PTPN13: variants seen among roughly 807,000 people sequenced by gnomAD.
PTPN13 encodes tyrosine-protein phosphatase non-receptor type 13.
PTPN13 carries 191 observed loss-of-function variants against 284.0 expected under a neutral mutation model. The ratio of observed to expected loss-of-function variants is 0.67; its 90% CI spans 0.60 to 0.76. The LOEUF (loss-of-function observed/expected upper bound fraction) is 0.76, where lower values mean the gene tolerates loss of function less well. Ranked by LOEUF, PTPN13 falls within the 30% of genes least tolerant of loss-of-function variation. The pLI is 0.00. For synonymous variants in PTPN13, 986 were observed against 1,022.3 expected, an observed-to-expected ratio of 0.96 and a Z score of 0.68; for missense variants, 2,797 against 2,939.9, an observed-to-expected ratio of 0.95 and a Z score of 1.12.
rs1382172540 is a variant in PTPN13 at position 86,701,232 on chromosome 4, T to G, written c.635-9T>G. On this transcript the variant is annotated splice_polypyrimidine_tract_variant and intron_variant, in intron 6 of 47. Transcript: ENST00000411767. The stretch of plus-strand genomic sequence containing the variant: ...TGTGTGCATACATGATAGATTCTTA[T>G]CATTCCAGGAAGAAGCTCTACTTCT... 1 of 1,530,202 alleles carries G rather than the reference T, an allele frequency of 6.5e-7. No individual in the cohort carries two copies. The highest frequency in any genetic ancestry group is 2.3e-5 in the East Asian group (1 of 44,210). The allele number at this position is 1,530,202 out of a possible 1,614,324, so 94.8% of individuals were successfully genotyped here. A position where few individuals can be genotyped will look rare whatever the true frequency, so the allele number is the denominator to read the frequency against.
chr4:86,814,241 G>A (rs1002288014), intron 47 of PTPN13, among the ~76,000 whole-genome samples: 1 of 151,644 alleles, frequency 6.6e-6, no homozygotes, highest in Admixed American at 6.6e-5. Context: ...TCTTGACCTC[G>A]TGATCCACCC....
At chr4:86,697,251 G>A (rs559421719) in intron 6 of PTPN13, among the ~76,000 whole-genome samples, 1 of 152,044 alleles carries the variant, frequency 6.6e-6, no homozygotes, top group Admixed American at 6.5e-5. Context: ...CCTAAAATCT[G>A]TATGTGGTGA....
At chr4:86,704,518 C>T (rs1236116910) in intron 7 of PTPN13, among the ~76,000 whole-genome samples, 2 of 152,216 alleles carry the variant, frequency 1.3e-5, no homozygotes, top group South Asian at 4.1e-4. Context: ...GTTAAGGAAA[C>T]TCAGACCATC....
intron 47 of PTPN13, among the ~76,000 whole-genome samples, chr4:86,813,807 G>A (rs1222195752): frequency 6.6e-6 from 1 of 152,096 alleles, no homozygotes; most frequent in Non-Finnish European, 1.5e-5. Context: ...AAGAAATTAT[G>A]TAGGAAGGTT....
At chr4:86,636,866 T>C (rs1268972602) in intron 2 of PTPN13, among the ~76,000 whole-genome samples, 1 of 152,096 alleles carries the variant, frequency 6.6e-6, no homozygotes, top group African/African-American at 2.4e-5. Flanking sequence ...AAAAAAACCC[T>C]TCAAAAAATT....
At position 86,730,807 on chromosome 4, in the gene PTPN13, G is replaced by T. The variant is rs187504788; in HGVS notation, c.1609-1593G>T. On this transcript the variant is annotated intron_variant, in intron 10 of 47. Transcript: ENST00000411767. ...GGCTTCAGCTCATCCTCCGATTGCT[G>T]CACCCACTGTCCAACCAGTCCCTGT... Among the ~76,000 whole-genome samples, 382 of 152,110 alleles carry T rather than the reference G, an allele frequency of 2.5e-3. 2 individuals are homozygous for T. The highest frequency in any genetic ancestry group is 8.7e-3 in the African/African-American group (362 of 41,488).
chr4:86,655,588 G>C (rs1211366133), intron 2 of PTPN13, among the ~76,000 whole-genome samples: 1 of 152,202 alleles, frequency 6.6e-6, no homozygotes, highest in African/African-American at 2.4e-5. Flanking sequence ...CTTCTGGCGT[G>C]TAGAGTTTCT....
At chr4:86,755,739 A>G (rs187751242) in intron 20 of PTPN13, among the ~76,000 whole-genome samples, 154 of 152,194 alleles carry the variant, frequency 1.0e-3, no homozygotes, top group Non-Finnish European at 1.5e-3. Context: ...TTGTCCAACT[A>G]TAAGTTAACA....
chr4:86,644,935 T>C (rs1196128295), intron 2 of PTPN13, among the ~76,000 whole-genome samples: 1 of 152,160 alleles, frequency 6.6e-6, no homozygotes, highest in Non-Finnish European at 1.5e-5. Context: ...ACGCCGGGCT[T>C]GGCAGCTCAC....
chr4:86,607,462 T>A (rs61391256), intron 1 of PTPN13, among the ~76,000 whole-genome samples: 1 of 152,030 alleles, frequency 6.6e-6, no homozygotes, highest in Non-Finnish European at 1.5e-5. Context: ...TAGTATATTA[T>A]TTATCTTTAC....
At position 86,734,745 on chromosome 4, in the gene PTPN13, T is replaced by C. The variant is rs1287813843; in HGVS notation, c.2021T>C (p.Leu674Pro). Residue 674 changes from leucine (L) to proline (P), a missense_variant, in exon 14 of 48, where the codon CTG (leucine) becomes CCG (proline). Coordinates refer to ENST00000411767, the MANE Select transcript of PTPN13 (RefSeq NM_080683.3). ...TGTGTTTGTTTTTTCAGACATACTCTGACGTGTCATCAGTATTACCTTCAG... is the reference window on the plus strand; with the variant it reads ...TGTGTTTGTTTTTTCAGACATACTCCGACGTGTCATCAGTATTACCTTCAG... ...MDDVSLIQHT[L>P]TCHQYYLQLR... is the part of the protein sequence containing the mutation. The C allele has an allele frequency of 5.3e-5, 86 of 1,610,732 alleles. No individual in the cohort carries two copies. In the Admixed American group the frequency reaches 1.4e-3, roughly 27 times the overall value.
intron 37 of PTPN13, among the ~76,000 whole-genome samples, chr4:86,783,133 A>C (rs1741510472): frequency 6.6e-6 from 1 of 152,216 alleles, no homozygotes. Context: ...TTTCATGACC[A>C]GAATTCCAAA....
intron 25 of PTPN13, among the ~76,000 whole-genome samples, chr4:86,764,981 C>T (rs563565093): frequency 6.6e-6 from 1 of 152,088 alleles, no homozygotes; most frequent in African/African-American, 2.4e-5. Context: ...ATAAAACTTG[C>T]AAATTGTAAA....
At chr4:86,740,093 A>G (rs1735998112) in intron 15 of PTPN13, among the ~76,000 whole-genome samples, 1 of 152,104 alleles carries the variant, frequency 6.6e-6, no homozygotes, top group South Asian at 2.1e-4. Flanking sequence ...TGGCTTTTCC[A>G]GGTGCATGGT....
At chr4:86,749,968 G>A (rs1003559835) in intron 17 of PTPN13, among the ~76,000 whole-genome samples, 1 of 152,142 alleles carries the variant, frequency 6.6e-6, no homozygotes, top group Non-Finnish European at 1.5e-5. Context: ...CACCATCACC[G>A]CAATCTGCCT....
intron 17 of PTPN13, among the ~76,000 whole-genome samples, chr4:86,745,558 C>T (rs549626175): frequency 1.3e-5 from 2 of 152,096 alleles, no homozygotes; most frequent in African/African-American, 2.4e-5. Flanking sequence ...GGGTGGATCA[C>T]GAGGTCAGGA....
chr4:86,788,430 G>T (rs1324146139), intron 40 of PTPN13, among the ~76,000 whole-genome samples: 1 of 152,176 alleles, frequency 6.6e-6, no homozygotes, highest in Non-Finnish European at 1.5e-5. Context: ...GGTTCTAACA[G>T]TATATTCTGT....
At position 86,767,872 on chromosome 4, in the gene PTPN13, C is replaced by T. The variant is rs527422330; in HGVS notation, c.4385C>T (p.Pro1462Leu). The T allele has an allele frequency of 1.1e-5, 17 of 1,605,298 alleles. No individual in the cohort carries two copies. Among genetic ancestry groups the T allele is most frequent in the South Asian group, 3.4e-5 (3 of 89,412 alleles). ...TCTCCAACATCTAAAGAACATGTCC[C>T]GGTAACCCCACAGTGTACCCTTTCA... ...GQSPTSKEHV[P>L]VTPQCTLSDQ... Residue 1462 changes from proline to leucine, a missense_variant, in exon 28 of 48, where the codon CCG becomes CTG. By Grantham distance (98) the Pro-to-Leu change is moderately conservative (BLOSUM62 -3). Transcript: ENST00000411767.
At chr4:86,792,663 A>C (rs1742824228) in intron 40 of PTPN13, among the ~76,000 whole-genome samples, 1 of 152,220 alleles carries the variant, frequency 6.6e-6, no homozygotes, top group African/African-American at 2.4e-5. Flanking sequence ...GCGATCTCTC[A>C]GCAGAAAGCC....
Sources: gnomAD v4.1 joint callset for allele counts (sites outside exome capture counted in the v4.1 genomes callset) on GRCh38, gnomAD v4.1.1 for gene constraint, MANE v1.5 for transcripts, NCBI Gene and HGNC (gene_info 2026-07-23, HGNC 2026-07-21) for gene names.